Variants in UCHL3 observed in about 807,000 individuals in gnomAD.
UCHL3 encodes the protein ubiquitin carboxyl-terminal hydrolase isozyme L3.
In UCHL3, 22 loss-of-function variants were observed where a neutral mutation model predicts 35.8. The ratio of observed to expected loss-of-function variants is 0.61; its 90% CI spans 0.44 to 0.88. The LOEUF (loss-of-function observed/expected upper bound fraction) is 0.88, where lower values mean the gene tolerates loss of function less well. UCHL3 is among the 40% of genes least tolerant of loss of function. UCHL3 has a pLI of 0.00. For synonymous variants in UCHL3, 90 were observed against 92.8 expected, an observed-to-expected ratio of 0.97 and a Z score of 0.17; for missense variants, 229 against 276.9, an observed-to-expected ratio of 0.83 and a Z score of 1.23.
chr13:75,576,344 C>G (rs543542926), intron 6 of UCHL3, among the ~76,000 whole-genome samples: 1 of 152,294 alleles, frequency 6.6e-6, no homozygotes, highest in African/African-American at 2.4e-5. Flanking sequence ...ATTCTCCTGC[C>G]TCAGCCTCTC....
At chr13:75,573,983 C>T (rs770805908) in intron 6 of UCHL3, among the ~76,000 whole-genome samples, 6 of 152,116 alleles carry the variant, frequency 3.9e-5, no homozygotes, top group Middle Eastern at 3.2e-3. Flanking sequence ...TTTGGGAGGC[C>T]GAGGCGGGCA....
chr13:75,595,594 T>A (rs1222447434), intron 7 of UCHL3, among the ~76,000 whole-genome samples: 1 of 19,088 alleles, frequency 5.2e-5, no homozygotes, highest in Non-Finnish European at 8.9e-5. Flanking sequence ...TGATACTCCA[T>A]CTCAAAAAAA....
At position 75,550,000 on chromosome 13, in the gene UCHL3, T is replaced by G; in HGVS notation, c.54+13T>G. Reference sequence around the variant, plus strand: ...GGTCACCAACCAGGTGAGTGAGGTGTCTGTCGCTCGGGACCTCGGAGTCTT... The same window carrying G: ...GGTCACCAACCAGGTGAGTGAGGTGGCTGTCGCTCGGGACCTCGGAGTCTT... On this transcript the variant is annotated intron_variant, in intron 2 of 8. Transcript: ENST00000377595. 6.2e-7 allele frequency: 1 copy of G among 1,614,262 alleles called. No homozygotes were observed. Among genetic ancestry groups the G allele is most frequent in the Non-Finnish European group, 8.5e-7 (1 of 1,180,038 alleles).
chr13:75,592,421 T>TATATATATACATATAC (rs2032504875), intron 6 of UCHL3, among the ~76,000 whole-genome samples: 3 of 43,918 alleles, frequency 6.8e-5, no homozygotes, highest in African/African-American at 3.9e-4. Context: ...CCTTCATATA[T>TATATATATACATATAC]ATATATATAT....
intron 2 of UCHL3, 49 bp from the exon 3 acceptor site, chr13:75,560,704 T>C: frequency 1.3e-6 from 2 of 1,538,034 alleles, no homozygotes; most frequent in South Asian, 1.2e-5. Flanking sequence ...TAGTTTTCTT[T>C]TACCAACTAA....
chr13:75,581,661 ACTT>A (rs1329477791), intron 6 of UCHL3, among the ~76,000 whole-genome samples: 2 of 146,566 alleles, frequency 1.4e-5, no homozygotes. Context: ...AAAACACTTG[ACTT>A]CTTCTTAGGC....
chr13:75,604,758 G>A lies in UCHL3; in HGVS notation c.551-11G>A. ...CAGCTAAGCATTCAATTGTTTGTCT[G>A]TTTTCCACAGATGGGCGGAAGCCAT... On this transcript the variant is annotated splice_polypyrimidine_tract_variant and intron_variant, in intron 7 of 8. Coordinates refer to ENST00000377595, the MANE Select transcript of UCHL3 (RefSeq NM_006002.5). 1.3e-6 allele frequency: 2 copies of A among 1,593,192 alleles called. No homozygotes were observed. Among genetic ancestry groups the A allele is most frequent in the Non-Finnish European group, 1.7e-6 (2 of 1,170,342 alleles).
chr13:75,592,454 A>ACATATATATATATATGTATATATG (rs1566228202), intron 6 of UCHL3, among the ~76,000 whole-genome samples: 6 of 118,826 alleles, frequency 5.0e-5, no homozygotes, highest in Non-Finnish European at 7.0e-5. Context: ...ATATATATAT[A>ACATATATATATATATGTATATATG]TATATATATA....
At chr13:75,596,961 T>C (rs549591892) in intron 7 of UCHL3, among the ~76,000 whole-genome samples, 2 of 152,352 alleles carry the variant, frequency 1.3e-5, no homozygotes, top group East Asian at 3.9e-4. Context: ...AAGAATGATC[T>C]GATGGAAAAT....
chr13:75,550,196 G>T (rs973041576), intron 2 of UCHL3, among the ~76,000 whole-genome samples: 1 of 152,122 alleles, frequency 6.6e-6, no homozygotes, highest in Non-Finnish European at 1.5e-5. Context: ...CCACTCCTCT[G>T]GTCCCATTCT....
At chr13:75,591,797 G>T (rs576724163) in intron 6 of UCHL3, among the ~76,000 whole-genome samples, 9 of 152,180 alleles carry the variant, frequency 5.9e-5, no homozygotes, top group African/African-American at 2.2e-4. Flanking sequence ...ACCTTATTGG[G>T]TTTATACAGG....
At position 75,601,851 on chromosome 13, in the gene UCHL3, T is replaced by A. The variant is rs539604718; in HGVS notation, c.551-2918T>A. Among the ~76,000 whole-genome samples, 3 of 152,296 alleles carry A rather than the reference T, an allele frequency of 2.0e-5. No homozygotes were observed. The South Asian group carries it at 6.2e-4, about 32-fold the overall frequency. ...GTGGCTGGGTGTGGTAGCTCACGCCTGTAATCCCAGCACTTTGGGAGGCCG... is the reference window on the plus strand; with the variant it reads ...GTGGCTGGGTGTGGTAGCTCACGCCAGTAATCCCAGCACTTTGGGAGGCCG... On this transcript the variant is annotated intron_variant, in intron 7 of 8. Transcript: ENST00000377595.
chr13:75,553,009 C>T (rs1390998232), intron 2 of UCHL3, among the ~76,000 whole-genome samples: 2 of 152,022 alleles, frequency 1.3e-5, no homozygotes, highest in South Asian at 4.2e-4. Context: ...AGCGTAATAC[C>T]GAAAGGGAAA....
intron 6 of UCHL3, among the ~76,000 whole-genome samples, chr13:75,583,710 A>G (rs2032247333): frequency 6.6e-6 from 1 of 152,230 alleles, no homozygotes; most frequent in Non-Finnish European, 1.5e-5. Flanking sequence ...AAGGTGCAGT[A>G]TTACATTTAT....
At chr13:75,599,556 TTTA>T (rs2032726755) in intron 7 of UCHL3, among the ~76,000 whole-genome samples, 2 of 152,174 alleles carry the variant, frequency 1.3e-5, no homozygotes, top group African/African-American at 2.4e-5. Flanking sequence ...TTTCAAACGT[TTTA>T]TTATTATATC....
chr13:75,571,213 A>G (rs988842363), intron 6 of UCHL3, among the ~76,000 whole-genome samples: 21 of 152,344 alleles, frequency 1.4e-4, no homozygotes, highest in African/African-American at 5.1e-4. Flanking sequence ...TAAAGCAATT[A>G]AATGCTTTAA....
chr13:75,554,672 G>A (rs1327961692), intron 2 of UCHL3, among the ~76,000 whole-genome samples: 2 of 152,192 alleles, frequency 1.3e-5, no homozygotes, highest in Non-Finnish European at 2.9e-5. Flanking sequence ...TTAAATAAAT[G>A]AGAATCACAT....
chr13:75,595,545 C>T (rs1023272111), intron 7 of UCHL3, among the ~76,000 whole-genome samples: 12 of 122,408 alleles, frequency 9.8e-5, no homozygotes, highest in East Asian at 2.8e-4. Context: ...TTCAGTGAGC[C>T]GAGATCGTGC....
At chr13:75,550,135 C>A in intron 2 of UCHL3, 148 bp downstream of exon 2, 1 of 1,306,040 alleles carries the variant, frequency 7.7e-7, no homozygotes. Context: ...CGGGTCCGCC[C>A]CTTTCAGAAA....
Sources: gnomAD v4.1 joint callset for allele counts (sites outside exome capture counted in the v4.1 genomes callset) on GRCh38, gnomAD v4.1.1 for gene constraint, MANE v1.5 for transcripts, NCBI Gene and HGNC (gene_info 2026-07-23, HGNC 2026-07-21) for gene names.